The following NPAS3 variants were observed in gnomAD, a reference collection of about 807,000 sequenced individuals.
NPAS3 encodes the protein neuronal PAS domain-containing protein 3.
In NPAS3, 14 loss-of-function variants were observed where a neutral mutation model predicts 73.1. The ratio of observed to expected loss-of-function variants is 0.19; its 90% CI spans 0.13 to 0.30. NPAS3 has a LOEUF of 0.30. Among genes scored for constraint, NPAS3 ranks in the 10% least tolerant of loss-of-function variants. The pLI, the probability that NPAS3 is intolerant of heterozygous loss-of-function variation, is 1.00. For missense variants in NPAS3, 1,096 were observed against 1,250.0 expected (o/e 0.88, Z 1.86); for synonymous variants, 620 against 541.5 (o/e 1.14, Z -2.01).
intron 6 of NPAS3, among the ~76,000 whole-genome samples, chr14:33,727,240 A>C (rs2140587254): frequency 6.6e-6 from 1 of 152,316 alleles, no homozygotes; most frequent in East Asian, 1.9e-4. Flanking sequence ...ATGTATATAA[A>C]ATAGTATATT....
At chr14:32,969,961 T>G (rs547296427) in intron 1 of NPAS3, among the ~76,000 whole-genome samples, 1 of 152,280 alleles carries the variant, frequency 6.6e-6, no homozygotes, top group East Asian at 1.9e-4. Flanking sequence ...GAAAACAATA[T>G]GAAGCTAATG....
chr14:33,408,500 C>A (rs528093452), intron 4 of NPAS3, among the ~76,000 whole-genome samples: 1 of 152,160 alleles, frequency 6.6e-6, no homozygotes, highest in East Asian at 1.9e-4. Context: ...TGATCAAATG[C>A]CTGTATATCT....
At chr14:32,966,015 TG>T (rs1234364235) in intron 1 of NPAS3, among the ~76,000 whole-genome samples, 1 of 152,070 alleles carries the variant, frequency 6.6e-6, no homozygotes, top group East Asian at 1.9e-4. Context: ...ACTTCTACCA[TG>T]AAAACTATAA....
chr14:33,381,174 A>C (rs2046534977), intron 4 of NPAS3, among the ~76,000 whole-genome samples: 1 of 152,246 alleles, frequency 6.6e-6, no homozygotes, highest in Middle Eastern at 3.2e-3. Context: ...GTAACTATTT[A>C]ATAATGCATA....
chr14:33,618,808 G>A (rs1201058058), intron 5 of NPAS3, among the ~76,000 whole-genome samples: 3 of 152,188 alleles, frequency 2.0e-5, no homozygotes, highest in Non-Finnish European at 4.4e-5. Flanking sequence ...GGAAATGCAA[G>A]CTTAGTTTTC....
At chr14:33,581,155 A>G (rs2056648874) in intron 5 of NPAS3, among the ~76,000 whole-genome samples, 1 of 152,214 alleles carries the variant, frequency 6.6e-6, no homozygotes, top group African/African-American at 2.4e-5. Context: ...AAGCGAAAAC[A>G]TGTAATTAAT....
intron 3 of NPAS3, among the ~76,000 whole-genome samples, chr14:33,282,185 G>A (rs565023013): frequency 6.6e-6 from 1 of 152,240 alleles, no homozygotes; most frequent in African/African-American, 2.4e-5. Flanking sequence ...TCATCTTTTG[G>A]ATTGTCATTG....
chr14:33,007,987 T>C (rs2039057025), intron 1 of NPAS3, among the ~76,000 whole-genome samples: 2 of 152,218 alleles, frequency 1.3e-5, no homozygotes, highest in Admixed American at 6.5e-5. Flanking sequence ...AGGAAAGCCA[T>C]AGTTTAAATT....
chr14:33,685,139 A>AAAAC (rs2060053714), intron 6 of NPAS3, among the ~76,000 whole-genome samples: 2 of 152,174 alleles, frequency 1.3e-5, no homozygotes, highest in South Asian at 2.1e-4. Flanking sequence ...TCAGACATAC[A>AAAAC]AAACACCAAG....
chr14:33,282,457 T>G (rs1471543829), intron 3 of NPAS3, among the ~76,000 whole-genome samples: 3 of 152,194 alleles, frequency 2.0e-5, no homozygotes, highest in African/African-American at 7.2e-5. Context: ...ATGGTGAAAT[T>G]AAGGGGAATG....
chr14:33,399,403 C>G (rs1006798290), intron 4 of NPAS3, among the ~76,000 whole-genome samples: 47 of 152,020 alleles, frequency 3.1e-4, no homozygotes, highest in African/African-American at 1.1e-3. Context: ...AGTATGCAGG[C>G]TGTTTCCTAA....
At chr14:33,317,845 G>C (rs2043272684) in intron 3 of NPAS3, among the ~76,000 whole-genome samples, 1 of 152,022 alleles carries the variant, frequency 6.6e-6, no homozygotes, top group African/African-American at 2.4e-5. Flanking sequence ...TCAGCTAACA[G>C]CTACCGTAAT....
intron 1 of NPAS3, among the ~76,000 whole-genome samples, chr14:33,009,477 A>G (rs1391139027): frequency 2.0e-5 from 3 of 152,190 alleles, no homozygotes; most frequent in Non-Finnish European, 2.9e-5. Flanking sequence ...GGCAGAGAGC[A>G]TCTTTAGGCA....
chr14:33,706,539 C>T (rs2060660967), intron 6 of NPAS3, among the ~76,000 whole-genome samples: 1 of 152,148 alleles, frequency 6.6e-6, no homozygotes, highest in Non-Finnish European at 1.5e-5. Context: ...AAAATGGACA[C>T]TGGGGCACGT....
exon 9 of NPAS3, chr14:33,778,528 T>C (rs1166610875): frequency 6.2e-7 from 1 of 1,614,036 alleles, no homozygotes; most frequent in Admixed American, 1.7e-5. Flanking sequence ...TACCACTTCA[T>C]CCATGCTGAA....
In NPAS3 at chr14:33,662,180, C is replaced by T. The variant is rs139453624; in HGVS notation, c.559-14031C>T. 3.6e-3 allele frequency among the ~76,000 whole-genome samples: 550 copies of T among 152,276 alleles called. 3 individuals carry two copies. The highest frequency in any genetic ancestry group is 6.1e-3 in the Admixed American group (94 of 15,292). ...ACTCAGCCATGCCACCATATCTAGACGGCATGGAAATGCGCAGCTAGACAA... is the reference window on the plus strand; with the variant it reads ...ACTCAGCCATGCCACCATATCTAGATGGCATGGAAATGCGCAGCTAGACAA... On this transcript the variant is annotated intron_variant, in intron 5 of 11. Transcript: ENST00000356141.
At chr14:33,597,891 AT>A (rs1396753900) in intron 5 of NPAS3, among the ~76,000 whole-genome samples, 1 of 152,170 alleles carries the variant, frequency 6.6e-6, no homozygotes, top group Non-Finnish European at 1.5e-5. Flanking sequence ...TTCAAGTTTT[AT>A]TTTTTTAAAA....
chr14:33,237,631 C>T (rs1364557004), intron 3 of NPAS3, among the ~76,000 whole-genome samples: 1 of 151,950 alleles, frequency 6.6e-6, no homozygotes, highest in Non-Finnish European at 1.5e-5. Context: ...AGGCAACATG[C>T]TAGTTATTTC....
chr14:33,166,541 A>G (rs1322581996), intron 2 of NPAS3, among the ~76,000 whole-genome samples: 4 of 152,140 alleles, frequency 2.6e-5, no homozygotes, highest in Admixed American at 1.3e-4. Context: ...TTTTCCCTCC[A>G]TATCCTAGCC....
Sources: allele counts gnomAD v4.1 joint callset (sites outside exome capture counted in the v4.1 genomes callset), GRCh38; gene constraint gnomAD v4.1.1; transcripts MANE v1.5; gene names NCBI Gene and HGNC (gene_info 2026-07-23, HGNC 2026-07-21).